POU1F1: variants seen among roughly 807,000 people sequenced by gnomAD.
POU1F1 encodes pituitary-specific positive transcription factor 1.
In POU1F1, 23 loss-of-function variants were observed where a neutral mutation model predicts 32.3. The observed-to-expected ratio is 0.71, with a 90% CI of 0.51 to 1.01. POU1F1 has a LOEUF of 1.01. Among genes scored for constraint, POU1F1 ranks in the 50% least tolerant of loss-of-function variants. The pLI is 0.00. For missense variants in POU1F1, 323 were observed against 341.6 expected (o/e 0.95, Z 0.43); for synonymous variants, 120 against 115.6 (o/e 1.04, Z -0.25).
intron 4 of POU1F1, 95 bp downstream of exon 4, chr3:87,261,976 C>T: frequency 1.4e-6 from 2 of 1,449,678 alleles, no homozygotes; most frequent in Non-Finnish European, 1.9e-6. Context: ...GGAAAAAAAC[C>T]CCTCAAACCT....
intron 5 of POU1F1, among the ~76,000 whole-genome samples, chr3:87,260,943 C>T (rs1706502079): frequency 6.6e-6 from 1 of 150,568 alleles, no homozygotes; most frequent in African/African-American, 2.4e-5. Context: ...CGGTGTCTCG[C>T]TCTGTCGCCC....
intron 2 of POU1F1, among the ~76,000 whole-genome samples, chr3:87,267,783 T>A (rs1426873410): frequency 6.6e-6 from 1 of 152,068 alleles, no homozygotes; most frequent in Non-Finnish European, 1.5e-5. Context: ...TTTTTAAATT[T>A]TTTGCACAGA....
rs754703680 is a variant in POU1F1, at chr3:87,262,126, T to A, written c.549A>T (p.Ala183=). Residue 183 remains alanine (A), a synonymous_variant, in exon 4 of 6, where the codon GCA becomes GCT. Transcript: ENST00000350375. ...TGGATAATATTGCTTTCAGTTTGCA[T>A]GCATTTTTAAAGCTGAGCTGCAGAT... ...FENLQLSFKN[A]CKLKAILSKW... 2 of 1,614,154 alleles carry A rather than the reference T, an allele frequency of 1.2e-6. No individual in the cohort carries two copies. The highest frequency in any genetic ancestry group is 3.3e-5 in the Admixed American group (2 of 60,016).
intron 2 of POU1F1, among the ~76,000 whole-genome samples, chr3:87,271,345 T>C (rs1213400114): frequency 2.0e-5 from 3 of 152,122 alleles, no homozygotes; most frequent in Non-Finnish European, 4.4e-5. Context: ...CCGAGGCCAG[T>C]GGTGGCCCTC....
intron 3 of POU1F1, among the ~76,000 whole-genome samples, chr3:87,262,967 G>C (rs1026130424): frequency 1.3e-5 from 2 of 152,010 alleles, no homozygotes; most frequent in African/African-American, 4.8e-5. Context: ...ACATGTAATA[G>C]CTACATATTA....
At position 87,276,569 on chromosome 3, in the gene POU1F1, A is replaced by G. The variant is rs1706833081; in HGVS notation, c.-107T>C. On this transcript the variant is annotated 5_prime_UTR_variant, in exon 1 of 6. Transcript: ENST00000350375. ...TTCAATTCTCACTACCTGCATATATACATCAGGAAGGCTCTGAGGCACCAG... is the reference window on the plus strand; with the variant it reads ...TTCAATTCTCACTACCTGCATATATGCATCAGGAAGGCTCTGAGGCACCAG... The G allele has an allele frequency of 1.6e-5, 21 of 1,332,294 alleles. 1 individual carries two copies. The South Asian group carries it at 2.6e-4, about 17-fold the overall frequency. The allele number at this position is 1,332,294 out of a possible 1,614,324, so 82.5% of individuals were successfully genotyped here.
rs368061882 is a variant in POU1F1 at position 87,259,754 on chromosome 3, TA to T, written c.*139del. The T allele has an allele frequency of 5.8e-4, 379 of 653,992 alleles. 3 individuals carry two copies. In the South Asian group the frequency reaches 6.4e-3, roughly 11 times the overall value. The allele number at this position is 653,992 out of a possible 1,614,324, so 40.5% of individuals were successfully genotyped here. A position where few individuals can be genotyped will look rare whatever the true frequency, so the allele number is the denominator to read the frequency against. Reference sequence around the variant, plus strand: ...ATTTAAATTGTTGGTTTCTTTTTTTTAAAAAAAAGTGGAAAAGTAAAGCTTC... The same window carrying T: ...ATTTAAATTGTTGGTTTCTTTTTTTTAAAAAAAGTGGAAAAGTAAAGCTTC... On this transcript the variant is annotated 3_prime_UTR_variant, in exon 6 of 6. Coordinates refer to ENST00000350375, the MANE Select transcript of POU1F1 (RefSeq NM_000306.4).
chr3:87,260,320 C>T (rs1442608548), intron 5 of POU1F1, among the ~76,000 whole-genome samples: 2 of 152,156 alleles, frequency 1.3e-5, no homozygotes, highest in Non-Finnish European at 2.9e-5. Context: ...ACACGAGAGT[C>T]ACGGAAAGCA....
intron 5 of POU1F1, 125 bp downstream of exon 5, chr3:87,261,148 C>T (rs954391973): frequency 2.8e-6 from 2 of 705,866 alleles, no homozygotes; most frequent in Non-Finnish European, 4.9e-6. Flanking sequence ...TGACCTCAGG[C>T]CCGCCTTGGC....
chr3:87,272,860 G>A (rs74568824), intron 2 of POU1F1, among the ~76,000 whole-genome samples: 1 of 152,096 alleles, frequency 6.6e-6, no homozygotes, highest in African/African-American at 2.4e-5. Flanking sequence ...ATGAGGGGGG[G>A]TGTTCTGTAA....
At chr3:87,271,864 C>T (rs1439158223) in intron 2 of POU1F1, among the ~76,000 whole-genome samples, 1 of 151,990 alleles carries the variant, frequency 6.6e-6, no homozygotes, top group Non-Finnish European at 1.5e-5. Context: ...TTCATTTAAC[C>T]ATAAATGTTA....
At chr3:87,271,871 G>A (rs896467591) in intron 2 of POU1F1, among the ~76,000 whole-genome samples, 2 of 152,220 alleles carry the variant, frequency 1.3e-5, no homozygotes, top group East Asian at 1.9e-4. Flanking sequence ...AACCATAAAT[G>A]TTAGGATACT....
At chr3:87,261,963 G>A (rs989005346) in intron 4 of POU1F1, 108 bp downstream of exon 4, 19 of 1,302,062 alleles carry the variant, frequency 1.5e-5, no homozygotes, top group Admixed American at 8.7e-5. Context: ...AAAGAGAAAA[G>A]GCGGAAAAAA....
At chr3:87,261,569 T>C (rs1157245985) in intron 4 of POU1F1, among the ~76,000 whole-genome samples, 1 of 152,174 alleles carries the variant, frequency 6.6e-6, no homozygotes, top group Admixed American at 6.5e-5. Flanking sequence ...CACTTTACTT[T>C]TGTTGGAATG....
chr3:87,276,459 T>C lies in POU1F1; in HGVS notation c.4A>G (p.Ser2Gly). The C allele has an allele frequency of 1.2e-6, 2 of 1,613,740 alleles. No homozygotes were observed. The highest frequency in any genetic ancestry group is 1.7e-6 in the Non-Finnish European group (2 of 1,179,820). The change falls in exon 1 of 6, where the codon AGT (serine) becomes GGT (glycine). Residue 2 changes from serine (S) to glycine (G), a missense_variant. By Grantham distance (56) the Ser-to-Gly change is moderately conservative (BLOSUM62 0). Transcript: ENST00000350375. M[S>G]CQAFTSADTF... Reference sequence around the variant, plus strand: ...TCAGCCGAAGTAAAAGCTTGGCAACTCATTCCCACAAGAGAGTAGAAAAAT... The same window carrying C: ...TCAGCCGAAGTAAAAGCTTGGCAACCCATTCCCACAAGAGAGTAGAAAAAT...
At chr3:87,264,220 A>G (rs1158466958) in intron 3 of POU1F1, 68 bp downstream of exon 3, 1 of 1,239,770 alleles carries the variant, frequency 8.1e-7, no homozygotes, top group Non-Finnish European at 1.2e-6. Context: ...GCAATATATA[A>G]GAGATTTAAC....
chr3:87,267,978 T>A (rs1706654875), intron 2 of POU1F1, among the ~76,000 whole-genome samples: 1 of 151,700 alleles, frequency 6.6e-6, no homozygotes, highest in Admixed American at 6.6e-5. Flanking sequence ...CAAATTTGAA[T>A]GGAATCCATG....
chr3:87,273,434 T>C lies in POU1F1; in HGVS notation c.143-16A>G. ...AGTCCTGTTGCTGTGTTTCCCAACG[T>C]TGTCACCGAGAAATGTGTGCACAAA... On this transcript the variant is annotated splice_polypyrimidine_tract_variant and intron_variant, in intron 1 of 5. Coordinates refer to ENST00000350375, the MANE Select transcript of POU1F1 (RefSeq NM_000306.4). 2 of 1,612,106 alleles carry C rather than the reference T, an allele frequency of 1.2e-6. No individual in the cohort carries two copies. The highest frequency in any genetic ancestry group is 1.7e-6 in the Non-Finnish European group (2 of 1,178,772).
intron 4 of POU1F1, 22 bp from the exon 5 acceptor site, chr3:87,261,355 T>G (rs1272525504): frequency 1.3e-6 from 2 of 1,548,266 alleles, no homozygotes; most frequent in Admixed American, 1.7e-5. Flanking sequence ...AAAAGAGAGA[T>G]AATTACAAAC....
Sources: allele counts gnomAD v4.1 joint callset (sites outside exome capture counted in the v4.1 genomes callset), GRCh38; gene constraint gnomAD v4.1.1; transcripts MANE v1.5; gene names NCBI Gene and HGNC (gene_info 2026-07-23, HGNC 2026-07-21).